The following COL15A1 variants were observed in gnomAD, a reference collection of about 807,000 sequenced individuals.
COL15A1 encodes collagen type XV alpha 1 chain, also known as collagen alpha-1(XV) chain.
In COL15A1, 111 loss-of-function variants were observed where a neutral mutation model predicts 165.9. That is an observed-to-expected ratio of 0.67 (90% confidence interval 0.57 to 0.78). The LOEUF is 0.78. Among genes scored for constraint, COL15A1 ranks in the 30% least tolerant of loss-of-function variants. COL15A1 has a pLI of 0.00. For synonymous variants in COL15A1, 659 were observed against 674.8 expected, an observed-to-expected ratio of 0.98 and a Z score of 0.36; for missense variants, 1,745 against 1,789.7, an observed-to-expected ratio of 0.98 and a Z score of 0.45.
intron 9 of COL15A1, among the ~76,000 whole-genome samples, chr9:99,013,955 T>G (rs78148183): frequency 2.0e-5 from 3 of 151,260 alleles, no homozygotes; most frequent in Non-Finnish European, 4.4e-5. Flanking sequence ...GAAGCAAGGA[T>G]AGCAAACGTG....
chr9:98,986,016 C>T lies in COL15A1; in HGVS notation c.552C>T (p.Arg184=). 2 of 1,614,144 alleles carry T rather than the reference C, an allele frequency of 1.2e-6. No homozygotes were observed. Among genetic ancestry groups the T allele is most frequent in the South Asian group, 2.2e-5 (2 of 91,080 alleles). Residue 184 remains arginine, a synonymous_variant, in exon 3 of 42, where the codon CGC becomes CGT. Coordinates refer to ENST00000375001, the MANE Select transcript of COL15A1 (RefSeq NM_001855.5). ...TLLVNCEEHS[R]IPFQRSSQAL... is the part of the protein sequence containing the mutation. ...TCGTGAACTGTGAGGAGCACAGCCG[C>T]ATCCCCTTCCAGCGGTCCTCCCAGG...
Position 99,020,827 on chromosome 9 carries a change from A to T in COL15A1, c.1701+385A>T, listed in dbSNP as rs556936545. On this transcript the variant is annotated intron_variant, in intron 12 of 41. Coordinates refer to ENST00000375001, the MANE Select transcript of COL15A1 (RefSeq NM_001855.5). Reference sequence around the variant, plus strand: ...CCTGGGAAAATGTTGGGCAGACAAGAGCTTTTGAGGACCACAGGCCTAGGT... The same window carrying T: ...CCTGGGAAAATGTTGGGCAGACAAGTGCTTTTGAGGACCACAGGCCTAGGT... Among the ~76,000 whole-genome samples the T allele has an allele frequency of 1.1e-4, 16 of 152,230 alleles. No individual in the cohort carries two copies. The East Asian group carries it at 2.9e-3, about 28-fold the overall frequency.
At chr9:99,024,285 G>GTT (rs1016769818) in intron 14 of COL15A1, among the ~76,000 whole-genome samples, 4 of 129,472 alleles carry the variant, frequency 3.1e-5, no homozygotes, top group African/African-American at 6.0e-5. Context: ...TTGTTTTTTT[G>GTT]TTTTTTTTTT....
chr9:98,949,402 C>T (rs753863860), intron 2 of COL15A1, among the ~76,000 whole-genome samples: 7 of 152,182 alleles, frequency 4.6e-5, no homozygotes, highest in Admixed American at 1.3e-4. Flanking sequence ...TCTATACCTA[C>T]GAGTGGAGTG....
chr9:99,007,474 G>A (rs1838781447), intron 9 of COL15A1, among the ~76,000 whole-genome samples: 1 of 152,080 alleles, frequency 6.6e-6, no homozygotes, highest in South Asian at 2.1e-4. Context: ...CTAGTTTCAG[G>A]TTTAGTTGAT....
At chr9:99,060,822 G>C (rs1427448431) in intron 36 of COL15A1, among the ~76,000 whole-genome samples, 2 of 152,116 alleles carry the variant, frequency 1.3e-5, no homozygotes, top group African/African-American at 4.8e-5. Context: ...CGAGGCTCCA[G>C]TGAACCATGA....
chr9:98,988,914 G>A (rs1036348468), intron 4 of COL15A1, among the ~76,000 whole-genome samples: 2 of 151,848 alleles, frequency 1.3e-5, no homozygotes, highest in African/African-American at 4.8e-5. Context: ...CAGAGTAAGA[G>A]AGAACCTGTC....
chr9:99,009,863 C>T (rs1009121703), intron 9 of COL15A1, among the ~76,000 whole-genome samples: 3 of 152,078 alleles, frequency 2.0e-5, no homozygotes, highest in Non-Finnish European at 4.4e-5. Context: ...TTTTTATAAC[C>T]TTTATAACCT....
chr9:98,956,852 T>G (rs936187898), intron 2 of COL15A1, among the ~76,000 whole-genome samples: 1 of 152,266 alleles, frequency 6.6e-6, no homozygotes, highest in Non-Finnish European at 1.5e-5. Flanking sequence ...TCTAGGGGAC[T>G]GAGGATAGCA....
Position 99,054,668 on chromosome 9 carries a change from C to A in COL15A1, c.3031+12C>A. 1 of 1,600,050 alleles carries A rather than the reference C, an allele frequency of 6.2e-7. No individual in the cohort carries two copies. On this transcript the variant is annotated intron_variant, in intron 32 of 41. Transcript: ENST00000375001. Reference sequence around the variant, plus strand: ...CCAGGGACCACCAGGTATTCCAGCTCTTGTTCTCAATCTTGCCTTTGATTT... The same window carrying A: ...CCAGGGACCACCAGGTATTCCAGCTATTGTTCTCAATCTTGCCTTTGATTT...
intron 5 of COL15A1, among the ~76,000 whole-genome samples, chr9:98,992,999 A>G (rs1365018119): frequency 6.6e-6 from 1 of 152,122 alleles, no homozygotes; most frequent in African/African-American, 2.4e-5. Context: ...CTTTCTTTCC[A>G]TGCTTCCCCA....
At chr9:98,979,216 T>A (rs1564024418) in intron 2 of COL15A1, among the ~76,000 whole-genome samples, 2 of 152,210 alleles carry the variant, frequency 1.3e-5, no homozygotes, top group Non-Finnish European at 2.9e-5. Flanking sequence ...CTTTATCTGT[T>A]AAAAAATTCA....
intron 2 of COL15A1, among the ~76,000 whole-genome samples, chr9:98,945,647 C>G (rs1487525117): frequency 6.6e-6 from 1 of 152,224 alleles, no homozygotes; most frequent in African/African-American, 2.4e-5. Flanking sequence ...CTTTTCCTGC[C>G]AGAGTGTCCA....
intron 4 of COL15A1, among the ~76,000 whole-genome samples, 199 bp from the exon 5 acceptor site, chr9:98,988,979 C>A (rs1432123799): frequency 2.0e-5 from 3 of 151,426 alleles, no homozygotes; most frequent in Admixed American, 6.6e-5. Flanking sequence ...CAACCATGCA[C>A]ACTGCACACA....
intron 2 of COL15A1, among the ~76,000 whole-genome samples, chr9:98,969,353 G>A (rs990456918): frequency 1.3e-5 from 2 of 152,192 alleles, no homozygotes; most frequent in Non-Finnish European, 2.9e-5. Context: ...TCCTGAAGTA[G>A]GTAGCATTCC....
chr9:99,007,318 C>CAT (rs1429292071), intron 9 of COL15A1, among the ~76,000 whole-genome samples: 5 of 152,220 alleles, frequency 3.3e-5, no homozygotes, highest in African/African-American at 1.2e-4. Flanking sequence ...AAAGGAATAG[C>CAT]ATGGGAGGCC....
chr9:98,949,232 C>T (rs1417916520), intron 2 of COL15A1, among the ~76,000 whole-genome samples: 1 of 152,164 alleles, frequency 6.6e-6, no homozygotes, highest in African/African-American at 2.4e-5. Flanking sequence ...TAGTTCATTG[C>T]CATTGCTGTA....
chr9:98,962,818 A>G (rs536140877), intron 2 of COL15A1, among the ~76,000 whole-genome samples: 1 of 152,192 alleles, frequency 6.6e-6, no homozygotes, highest in Non-Finnish European at 1.5e-5. Flanking sequence ...CAAGATGGAG[A>G]TGGTCACTGC....
rs149020612 is a variant in COL15A1, at chr9:99,039,505, T to C, written c.2475+772T>C. Among the ~76,000 whole-genome samples, 1,120 of 152,298 alleles carry C rather than the reference T, an allele frequency of 7.4e-3. 11 individuals carry two copies. The highest frequency in any genetic ancestry group is 0.026 in the African/African-American group (1,074 of 41,538). On this transcript the variant is annotated intron_variant, in intron 22 of 41. Coordinates refer to ENST00000375001, the MANE Select transcript of COL15A1 (RefSeq NM_001855.5). ...GGCTGGGTGACAAAGTGAGACTCTATCTCAAAACAAACAAACAAAAAAAAC... is the reference window on the plus strand; with the variant it reads ...GGCTGGGTGACAAAGTGAGACTCTACCTCAAAACAAACAAACAAAAAAAAC...
Sources: allele counts gnomAD v4.1 joint callset (sites outside exome capture counted in the v4.1 genomes callset), GRCh38; gene constraint gnomAD v4.1.1; transcripts MANE v1.5; gene names NCBI Gene and HGNC (gene_info 2026-07-23, HGNC 2026-07-21).